SCN8A: variants seen among roughly 807,000 people sequenced by gnomAD.
SCN8A encodes the protein sodium channel protein type 8 subunit alpha.
Under a neutral mutation model 184.1 loss-of-function variants are expected in SCN8A, and 30 were observed. The observed-to-expected ratio is 0.16, with a 90% CI of 0.12 to 0.22. The LOEUF (loss-of-function observed/expected upper bound fraction) is 0.22. Ranked by LOEUF, SCN8A falls within the 10% of genes least tolerant of loss-of-function variation. The pLI is 1.00. For synonymous variants in SCN8A, 852 were observed against 907.0 expected, an observed-to-expected ratio of 0.94 and a Z score of 1.09; for missense variants, 1,057 against 2,498.9, an observed-to-expected ratio of 0.42 and a Z score of 12.30.
rs757263803 is a variant in SCN8A at position 51,780,786 on chromosome 12, G to A, written c.3942+15G>A. 9 of 1,568,800 alleles carry A rather than the reference G, an allele frequency of 5.7e-6. No homozygotes were observed. In the African/African-American group the frequency reaches 1.1e-4, roughly 19 times the overall value. On this transcript the variant is annotated intron_variant, in intron 21 of 26. Transcript: ENST00000627620. ...AAGGGATGAGGGTAAGATACTAAGA[G>A]CAGCTGATCCTTCTGCATGCCAGTG...
chr12:51,600,521 G>T (rs1351376429), intron 1 of SCN8A, among the ~76,000 whole-genome samples: 1 of 152,166 alleles, frequency 6.6e-6, no homozygotes, highest in African/African-American at 2.4e-5. Flanking sequence ...TTCAGGTACT[G>T]AATCTTAGGC....
intron 11 of SCN8A, among the ~76,000 whole-genome samples, chr12:51,713,916 A>G (rs1015961862): frequency 5.3e-5 from 8 of 151,888 alleles, no homozygotes; most frequent in African/African-American, 1.9e-4. Context: ...CCATTACATG[A>G]TTAACACAAA....
chr12:51,681,280 G>T (rs776543617), intron 2 of SCN8A, among the ~76,000 whole-genome samples: 2 of 152,178 alleles, frequency 1.3e-5, no homozygotes, highest in Non-Finnish European at 2.9e-5. Flanking sequence ...CTGTTGAGAG[G>T]CTCGAAGCTC....
At chr12:51,663,913 T>TTTTTTTG in intron 2 of SCN8A, among the ~76,000 whole-genome samples, 1 of 127,498 alleles carries the variant, frequency 7.8e-6, no homozygotes, top group Non-Finnish European at 1.7e-5. Context: ...ATTTTTTTTT[T>TTTTTTTG]TTTTTTTTTT....
At chr12:51,616,687 A>G (rs1939845750) in intron 1 of SCN8A, among the ~76,000 whole-genome samples, 1 of 152,122 alleles carries the variant, frequency 6.6e-6, no homozygotes, top group Non-Finnish European at 1.5e-5. Context: ...TGGGAGGCTG[A>G]CATGGGAGGA....
chr12:51,647,346 A>G (rs931866162), intron 1 of SCN8A, among the ~76,000 whole-genome samples: 1 of 152,226 alleles, frequency 6.6e-6, no homozygotes, highest in Non-Finnish European at 1.5e-5. Flanking sequence ...ACATACATGT[A>G]AGTCAACCAA....
chr12:51,735,372 G>A (rs566487185), intron 12 of SCN8A, among the ~76,000 whole-genome samples: 6 of 152,080 alleles, frequency 3.9e-5, no homozygotes, highest in Non-Finnish European at 5.9e-5. Flanking sequence ...AAACAAGTAC[G>A]TTCATTTTTT....
chr12:51,769,797 G>A (rs539101133), intron 17 of SCN8A, 71 bp from the exon 18 acceptor site: 2 of 975,616 alleles, frequency 2.0e-6, no homozygotes, highest in South Asian at 2.8e-5. Context: ...CCCACCAGAG[G>A]CAGAGTTCTC....
chr12:51,607,245 A>G (rs1939614968), intron 1 of SCN8A, among the ~76,000 whole-genome samples: 1 of 152,140 alleles, frequency 6.6e-6, no homozygotes, highest in Non-Finnish European at 1.5e-5. Flanking sequence ...GTTGGTGTAT[A>G]GAAGAGTTAC....
At chr12:51,636,966 T>A (rs1177426691) in intron 1 of SCN8A, among the ~76,000 whole-genome samples, 2 of 152,262 alleles carry the variant, frequency 1.3e-5, no homozygotes, top group East Asian at 3.8e-4. Flanking sequence ...CTGCATTGAT[T>A]GAGCAAGTCT....
intron 1 of SCN8A, among the ~76,000 whole-genome samples, chr12:51,637,407 G>A (rs989332665): frequency 1.3e-5 from 2 of 152,216 alleles, no homozygotes; most frequent in African/African-American, 2.4e-5. Context: ...TAGGCCACTT[G>A]TGCCAGTTAA....
chr12:51,720,353 G>A (rs1942033035), intron 11 of SCN8A, among the ~76,000 whole-genome samples: 4 of 149,724 alleles, frequency 2.7e-5, no homozygotes, highest in Non-Finnish European at 5.9e-5. Context: ...ACTATCACAA[G>A]GACAGAAAAC....
At chr12:51,666,523 A>G (rs1181642046) in intron 2 of SCN8A, among the ~76,000 whole-genome samples, 1 of 152,250 alleles carries the variant, frequency 6.6e-6, no homozygotes, top group Non-Finnish European at 1.5e-5. Context: ...AAATGACTTT[A>G]AGAGGACATT....
intron 1 of SCN8A, among the ~76,000 whole-genome samples, chr12:51,629,257 G>C (rs1382585909): frequency 6.6e-6 from 1 of 152,186 alleles, no homozygotes; most frequent in Non-Finnish European, 1.5e-5. Flanking sequence ...GGAAGTACCA[G>C]CATCAGTCAG....
At chr12:51,787,785 G>C (rs1414463421) in intron 22 of SCN8A, among the ~76,000 whole-genome samples, 1 of 152,190 alleles carries the variant, frequency 6.6e-6, no homozygotes, top group Non-Finnish European at 1.5e-5. Context: ...AGCACTCACT[G>C]TCAACTCATA....
chr12:51,743,569 G>A (rs1942460661), intron 12 of SCN8A, among the ~76,000 whole-genome samples: 2 of 152,178 alleles, frequency 1.3e-5, no homozygotes, highest in African/African-American at 4.8e-5. Flanking sequence ...GAACTGGAGT[G>A]TGTTGATGTA....
At chr12:51,805,424 A>G (rs1938671592) in intron 26 of SCN8A, among the ~76,000 whole-genome samples, 1 of 152,086 alleles carries the variant, frequency 6.6e-6, no homozygotes, top group African/African-American at 2.4e-5. Context: ...ATCTCTACAA[A>G]ATATTTAAAA....
At chr12:51,654,025 T>C (rs1356245426) in intron 1 of SCN8A, among the ~76,000 whole-genome samples, 1 of 152,178 alleles carries the variant, frequency 6.6e-6, no homozygotes, top group Non-Finnish European at 1.5e-5. Context: ...ATTCAAGTCT[T>C]TTGTCTATTT....
At chr12:51,604,586 A>G (rs1007620640) in intron 1 of SCN8A, among the ~76,000 whole-genome samples, 4 of 151,890 alleles carry the variant, frequency 2.6e-5, no homozygotes, top group Admixed American at 2.6e-4. Flanking sequence ...GCTGGAGTGC[A>G]TGTCACGATC....
Sources: gnomAD v4.1 joint callset for allele counts (sites outside exome capture counted in the v4.1 genomes callset) on GRCh38, gnomAD v4.1.1 for gene constraint, MANE v1.5 for transcripts, NCBI Gene and HGNC (gene_info 2026-07-23, HGNC 2026-07-21) for gene names.